The following NYAP1 variants were observed in gnomAD, a reference collection of about 807,000 sequenced individuals.
The protein encoded by NYAP1 is neuronal tyrosine phosphorylated phosphoinositide-3-kinase adaptor 1.
A neutral mutation model predicts 58.6 loss-of-function variants in NYAP1; 20 were observed. The ratio of observed to expected loss-of-function variants is 0.34; its 90% CI spans 0.24 to 0.50. The LOEUF is 0.50. Ranked by LOEUF, NYAP1 falls within the 20% of genes least tolerant of loss-of-function variation. The pLI, the probability that NYAP1 is intolerant of heterozygous loss-of-function variation, is 0.98. For missense variants in NYAP1, 1,150 were observed against 1,194.5 expected (o/e 0.96, Z 0.55); for synonymous variants, 572 against 523.1 (o/e 1.09, Z -1.27).
chr7:100,493,744 G>T lies in NYAP1; in HGVS notation c.2367G>T (p.Val789=). ...AGGTGATCGAGCGCAAGCGCTGCGT[G>T]TGCAAGGAGATCAAGGCGCGCCACC... ...LLEVIERKRC[V]CKEIKARHRP... The change falls in exon 7 of 7, where the codon GTG becomes GTT. Residue 789 remains valine, a synonymous_variant. Coordinates refer to ENST00000300179, the MANE Select transcript of NYAP1 (RefSeq NM_173564.4). 6.2e-7 allele frequency: 1 copy of T among 1,605,196 alleles called. No individual in the cohort carries two copies.
Position 100,490,537 on chromosome 7 carries a change from G to C in NYAP1, c.1966G>C (p.Ala656Pro), listed in dbSNP as rs1185362631. ...ELDKVEDGAR[A>P]WNGSAEGPGK... ...AGCAGAGGTCGAGGACGGTGCCCGG[G>C]CCTGGAATGGCAGTGCCGAGGGTCC... Residue 656 changes from alanine (A) to proline (P), a missense_variant, in exon 5 of 7, where the codon GCC becomes CCC. Physicochemically the swap from Ala to Pro is conservative, Grantham distance 27 (BLOSUM62 -1). Transcript: ENST00000300179. The surrounding 1 kb of genome is among the most constrained non-coding windows in gnomAD (Gnocchi z 4.6). The C allele has an allele frequency of 1.9e-6, 3 of 1,586,718 alleles. No individual in the cohort carries two copies. Among genetic ancestry groups the C allele is most frequent in the Admixed American group, 1.8e-5 (1 of 55,534 alleles).
chr7:100,488,281 G>A lies in NYAP1; in HGVS notation c.560G>A (p.Arg187Gln), dbSNP rs758261267. ...TCCTGCCCCCCAGGCCCCTCTCCTC[G>A]AGGGGGGAACCTGCCTCTTCAGCGC... The part of the protein sequence containing the change: ...DESCPPGPSP[R>Q]GGNLPLQRLT... Residue 187 changes from arginine (R) to glutamine (Q), a missense_variant, in exon 4 of 7, where the codon CGA (arginine) becomes CAA (glutamine). Physicochemically the swap from Arg to Gln is conservative, Grantham distance 43. Transcript: ENST00000300179. This position sits in a 1 kb window ranked among gnomAD's most constrained non-coding sequence, Gnocchi z 5.9. 9.9e-6 allele frequency: 16 copies of A among 1,613,628 alleles called. No homozygotes were observed. In the Admixed American group the frequency reaches 1.5e-4, roughly 15 times the overall value.
rs1799726451 is a variant in NYAP1 at position 100,487,688 on chromosome 7, A to T, written c.431-464A>T. On this transcript the variant is annotated intron_variant, in intron 3 of 6. Transcript: ENST00000300179. This position sits in a 1 kb window ranked among gnomAD's most constrained non-coding sequence, Gnocchi z 4.1. Reference sequence around the variant, plus strand: ...GGCTAATTTTTTGTATTTTTAGTAGAGACAGGGTTTCGTCTTGTTGGCCAG... The same window carrying T: ...GGCTAATTTTTTGTATTTTTAGTAGTGACAGGGTTTCGTCTTGTTGGCCAG... Among the ~76,000 whole-genome samples, 1 of 152,094 alleles carries T rather than the reference A, an allele frequency of 6.6e-6. No homozygotes were observed. Among genetic ancestry groups the T allele is most frequent in the Non-Finnish European group, 1.5e-5 (1 of 67,992 alleles).
chr7:100,485,201 T>C lies in NYAP1; in HGVS notation c.-84-27T>C, dbSNP rs1799687558. On this transcript the variant is annotated intron_variant, in intron 1 of 6. Coordinates refer to ENST00000300179, the MANE Select transcript of NYAP1 (RefSeq NM_173564.4). This position sits in a 1 kb window ranked among gnomAD's most constrained non-coding sequence, Gnocchi z 5.7. ...CCACCCATCCCACCTTTCTTTTTTT[T>C]CCGTTCTCACCCACCCCGCCCGCCA... is the stretch of plus-strand genomic sequence containing the variant. 1.6e-6 allele frequency: 1 copy of C among 620,334 alleles called. No homozygotes were observed. The highest frequency in any genetic ancestry group is 2.9e-6 in the Non-Finnish European group (1 of 342,796). The allele number at this position is 620,334 out of a possible 1,614,324, so 38.4% of individuals were successfully genotyped here. A position where few individuals can be genotyped will look rare whatever the true frequency, so the allele number is the denominator to read the frequency against.
rs1584359929 is a variant in NYAP1 at position 100,489,208 on chromosome 7, A to G, written c.1487A>G (p.His496Arg). ...ACGGAGAAGGAGATCTCGGTCCTCC[A>G]TGGGATGCTGTGTACCAGCTCAAGG... Reference protein sequence around the residue: ...PKTEKEISVLHGMLCTSSRPP... With the variant: ...PKTEKEISVLRGMLCTSSRPP... Residue 496 changes from histidine to arginine, a missense_variant, in exon 4 of 7, where the codon CAT (histidine) becomes CGT (arginine). By Grantham distance (29) the His-to-Arg change is conservative (BLOSUM62 0). Coordinates refer to ENST00000300179, the MANE Select transcript of NYAP1 (RefSeq NM_173564.4). 6.2e-7 allele frequency: 1 copy of G among 1,610,206 alleles called. No individual in the cohort carries two copies. Among genetic ancestry groups the G allele is most frequent in the South Asian group, 1.1e-5 (1 of 90,430 alleles).
chr7:100,485,995 T>C lies in NYAP1; in HGVS notation c.68+616T>C, dbSNP rs1393340507. ...TCTCTCCTTCTCCTCTTCTCTCCCATTGACTTCACAGCCACTTGGAGCCTG... is the reference window on the plus strand; with the variant it reads ...TCTCTCCTTCTCCTCTTCTCTCCCACTGACTTCACAGCCACTTGGAGCCTG... On this transcript the variant is annotated intron_variant, in intron 2 of 6. Transcript: ENST00000300179. This position sits in a 1 kb window ranked among gnomAD's most constrained non-coding sequence, Gnocchi z 5.7. Among the ~76,000 whole-genome samples the C allele has an allele frequency of 1.3e-5, 2 of 152,156 alleles. No individual in the cohort carries two copies. Among genetic ancestry groups the C allele is most frequent in the East Asian group, 1.9e-4 (1 of 5,186 alleles).
At chr7:100,493,486 A>G (rs1563190521) in intron 6 of NYAP1, among the ~76,000 whole-genome samples, 160 bp from the exon 7 acceptor site, 1 of 152,262 alleles carries the variant, frequency 6.6e-6, no homozygotes, top group Non-Finnish European at 1.5e-5. Context: ...TTTGGCCCCC[A>G]TGGGCCCCAC....
At position 100,487,163 on chromosome 7, in the gene NYAP1, G is replaced by T. The variant is rs1348029978; in HGVS notation, c.411G>T (p.Thr137=). 2.0e-6 allele frequency: 3 copies of T among 1,491,038 alleles called. No homozygotes were observed. Among genetic ancestry groups the T allele is most frequent in the South Asian group, 2.8e-5 (2 of 72,128 alleles). The allele number at this position is 1,491,038 out of a possible 1,614,324, so 92.4% of individuals were successfully genotyped here. The change falls in exon 3 of 7, where the codon ACG becomes ACT. Residue 137 remains threonine (T), a synonymous_variant. Coordinates refer to ENST00000300179, the MANE Select transcript of NYAP1 (RefSeq NM_173564.4). This position sits in a 1 kb window ranked among gnomAD's most constrained non-coding sequence, Gnocchi z 4.1. ...TGGGGCCTGGGTCTGGGGCAGAGAC[G>T]CCCCCCAGCAAGAAAGCAGGTGAGA... is the stretch of plus-strand genomic sequence containing the variant. The part of the protein sequence containing the change: ...SMVGPGSGAE[T]PPSKKAGSQK...
chr7:100,492,541 G>A (rs536294156), intron 6 of NYAP1, among the ~76,000 whole-genome samples: 5 of 152,282 alleles, frequency 3.3e-5, no homozygotes, highest in African/African-American at 1.2e-4. Flanking sequence ...AGGTTGCAAT[G>A]AACTACGATC....
In NYAP1 at chr7:100,489,450, T is replaced by C; in HGVS notation, c.1729T>C (p.Cys577Arg). ...GGCTGGGGGGGTGCTGAATAAGGGC[T>C]GTGGTGTGGGGGCCCCATCCCCCAT... ...LKAGGVLNKG[C>R]GVGAPSPMVK... The change falls in exon 4 of 7, where the codon TGT (cysteine) becomes CGT (arginine). Residue 577 changes from cysteine to arginine, a missense_variant. Physicochemically the swap from Cys to Arg is radical, Grantham distance 180. Coordinates refer to ENST00000300179, the MANE Select transcript of NYAP1 (RefSeq NM_173564.4). 3 of 1,612,876 alleles carry C rather than the reference T, an allele frequency of 1.9e-6. No individual in the cohort carries two copies. The highest frequency in any genetic ancestry group is 2.5e-6 in the Non-Finnish European group (3 of 1,179,844).
At position 100,488,836 on chromosome 7, in the gene NYAP1, C is replaced by T; in HGVS notation, c.1115C>T (p.Ala372Val). 1 of 1,582,976 alleles carries T rather than the reference C, an allele frequency of 6.3e-7. No homozygotes were observed. The highest frequency in any genetic ancestry group is 8.6e-7 in the Non-Finnish European group (1 of 1,167,032). The change falls in exon 4 of 7, where the codon GCT becomes GTT. Residue 372 changes from alanine to valine, a missense_variant. By Grantham distance (64) the Ala-to-Val change is moderately conservative (BLOSUM62 0). Coordinates refer to ENST00000300179, the MANE Select transcript of NYAP1 (RefSeq NM_173564.4). The surrounding 1 kb of genome is among the most constrained non-coding windows in gnomAD (Gnocchi z 5.9). ...AAGGAGCCAGCCGGCTCCACCCCAG[C>T]TCCCCAAGTGCCTGCACGGGAGCGG... is the stretch of plus-strand genomic sequence containing the variant. Reference protein sequence around the residue: ...HSKEPAGSTPAPQVPARERET... With the variant: ...HSKEPAGSTPVPQVPARERET...
Position 100,486,612 on chromosome 7 carries a change from G to T in NYAP1, c.69-209G>T, listed in dbSNP as rs1206426126. On this transcript the variant is annotated intron_variant, in intron 2 of 6. Transcript: ENST00000300179. The surrounding 1 kb of genome is among the most constrained non-coding windows in gnomAD (Gnocchi z 6.2). ...CATACTCACCCCTCTTCTCATCCCT[G>T]CCCCCAACTGCCTTGTGTTTTTAAA... Among the ~76,000 whole-genome samples, 1 of 152,104 alleles carries T rather than the reference G, an allele frequency of 6.6e-6. No homozygotes were observed. The highest frequency in any genetic ancestry group is 6.5e-5 in the Admixed American group (1 of 15,272).
chr7:100,493,979 TGAGAGA>T lies in NYAP1; in HGVS notation c.*77_*82del. On this transcript the variant is annotated 3_prime_UTR_variant, in exon 7 of 7. Coordinates refer to ENST00000300179, the MANE Select transcript of NYAP1 (RefSeq NM_173564.4). Reference sequence around the variant, plus strand: ...CCTGGCTCTCCCGGGAGCCTCGCCTTGAGAGACATTGAAAGACTACGTGGGAGAGTG... The same window carrying T: ...CCTGGCTCTCCCGGGAGCCTCGCCTTCATTGAAAGACTACGTGGGAGAGTG... The T allele has an allele frequency of 8.0e-7, 1 of 1,249,868 alleles. No homozygotes were observed. Among genetic ancestry groups the T allele is most frequent in the Non-Finnish European group, 1.1e-6 (1 of 946,498 alleles). The allele number at this position is 1,249,868 out of a possible 1,614,324, so 77.4% of individuals were successfully genotyped here. A position where few individuals can be genotyped will look rare whatever the true frequency, so the allele number is the denominator to read the frequency against.
In NYAP1 at chr7:100,490,737, G is replaced by T. The variant is rs942892915; in HGVS notation, c.2158+8G>T. ...CCTGCCACCGCAATGGAGGTGACGCGGCCTGCACACACCTGTGCACAGCGG... is the reference window on the plus strand; with the variant it reads ...CCTGCCACCGCAATGGAGGTGACGCTGCCTGCACACACCTGTGCACAGCGG... On this transcript the variant is annotated splice_region_variant and intron_variant, in intron 5 of 6. Transcript: ENST00000300179. This position sits in a 1 kb window ranked among gnomAD's most constrained non-coding sequence, Gnocchi z 4.6. 1 of 1,500,794 alleles carries T rather than the reference G, an allele frequency of 6.7e-7. No homozygotes were observed. The highest frequency in any genetic ancestry group is 1.3e-5 in the South Asian group (1 of 74,630). The allele number at this position is 1,500,794 out of a possible 1,614,324, so 93.0% of individuals were successfully genotyped here. A position where few individuals can be genotyped will look rare whatever the true frequency, so the allele number is the denominator to read the frequency against.
chr7:100,487,153 G>T lies in NYAP1; in HGVS notation c.401G>T (p.Gly134Val). Residue 134 changes from glycine to valine, a missense_variant, in exon 3 of 7, where the codon GGG becomes GTG. Physicochemically the swap from Gly to Val is moderately radical, Grantham distance 109 (BLOSUM62 -3). Transcript: ENST00000300179. The surrounding 1 kb of genome is among the most constrained non-coding windows in gnomAD (Gnocchi z 4.1). ...TKLSMVGPGS[G>V]AETPPSKKAG... ...CTCAGCATGGTGGGGCCTGGGTCTG[G>T]GGCAGAGACGCCCCCCAGCAAGAAA... 1 of 1,503,362 alleles carries T rather than the reference G, an allele frequency of 6.7e-7. No homozygotes were observed. The highest frequency in any genetic ancestry group is 8.9e-7 in the Non-Finnish European group (1 of 1,128,126). The allele number at this position is 1,503,362 out of a possible 1,614,324, so 93.1% of individuals were successfully genotyped here.
Position 100,489,233 on chromosome 7 carries a change from GC to G in NYAP1, c.1517del (p.Pro506LeufsTer37). On this transcript the variant is annotated frameshift_variant, in exon 4 of 7. Coordinates refer to ENST00000300179, the MANE Select transcript of NYAP1 (RefSeq NM_173564.4). LOFTEE classifies it high-confidence loss of function. Reference sequence around the variant, plus strand: ...ATGGGATGCTGTGTACCAGCTCAAGGCCCCCTGTGCCAGGGAAGACCAGCCC... The same window carrying G: ...ATGGGATGCTGTGTACCAGCTCAAGGCCCCTGTGCCAGGGAAGACCAGCCC... ...LHGMLCTSSRPPVPGKTSPHG... is the reference protein window; with the variant it reads ...LHGMLCTSSRXPVPGKTSPHG... 1 of 1,606,980 alleles carries G rather than the reference GC, an allele frequency of 6.2e-7. No homozygotes were observed.
In NYAP1 at chr7:100,485,595, C is replaced by G. The variant is rs1799692867; in HGVS notation, c.68+216C>G. 6.6e-6 allele frequency among the ~76,000 whole-genome samples: 1 copy of G among 152,170 alleles called. No homozygotes were observed. Among genetic ancestry groups the G allele is most frequent in the African/African-American group, 2.4e-5 (1 of 41,432 alleles). ...GCCTAGGAGCACCCCTTTGGTTGTTCCCCATCCCCAGAGGCCCGAGTCACT... is the reference window on the plus strand; with the variant it reads ...GCCTAGGAGCACCCCTTTGGTTGTTGCCCATCCCCAGAGGCCCGAGTCACT... On this transcript the variant is annotated intron_variant, in intron 2 of 6. Transcript: ENST00000300179. The surrounding 1 kb of genome is among the most constrained non-coding windows in gnomAD (Gnocchi z 5.7).
Position 100,487,191 on chromosome 7 carries a change from C to T in NYAP1, c.430+9C>T. ...CCCCAGCAAGAAAGCAGGTGAGATA[C>T]CCCCTATCTCTCCCTGGGGTGGAGC... On this transcript the variant is annotated intron_variant, in intron 3 of 6. Transcript: ENST00000300179. This position sits in a 1 kb window ranked among gnomAD's most constrained non-coding sequence, Gnocchi z 4.1. 1.4e-6 allele frequency: 2 copies of T among 1,478,994 alleles called. No homozygotes were observed. Among genetic ancestry groups the T allele is most frequent in the Non-Finnish European group, 1.8e-6 (2 of 1,116,004 alleles). 91.6% of individuals were successfully genotyped at this position (1,478,994 alleles called of 1,614,324 possible). A position where few individuals can be genotyped will look rare whatever the true frequency, so the allele number is the denominator to read the frequency against.
chr7:100,490,583 A>G lies in NYAP1; in HGVS notation c.2012A>G (p.Asp671Gly). ...GGTCCAGGCAAGGTGGAGCGTGAGGACAGGGGCCCTGGGACATCGGGGATC... is the reference window on the plus strand; with the variant it reads ...GGTCCAGGCAAGGTGGAGCGTGAGGGCAGGGGCCCTGGGACATCGGGGATC... ...AEGPGKVERE[D>G]RGPGTSGIPV... Residue 671 changes from aspartate to glycine, a missense_variant, in exon 5 of 7, where the codon GAC becomes GGC. Coordinates refer to ENST00000300179, the MANE Select transcript of NYAP1 (RefSeq NM_173564.4). The surrounding 1 kb of genome is among the most constrained non-coding windows in gnomAD (Gnocchi z 4.6). The G allele has an allele frequency of 1.3e-6, 2 of 1,583,540 alleles. 1 individual carries two copies.
Sources: gnomAD v4.1 joint callset for allele counts (sites outside exome capture counted in the v4.1 genomes callset) on GRCh38, gnomAD v4.1.1 for gene constraint, Gnocchi (gnomAD v3.1) non-coding constraint, MANE v1.5 for transcripts, NCBI Gene and HGNC (gene_info 2026-07-23, HGNC 2026-07-21) for gene names.